Variants in ITM2C observed in about 807,000 individuals in gnomAD.
ITM2C encodes the protein integral membrane protein 2C.
A neutral mutation model predicts 30.0 loss-of-function variants in ITM2C; 20 were observed. The ratio of observed to expected loss-of-function variants is 0.67; its 90% CI spans 0.47 to 0.97. ITM2C has a LOEUF of 0.97. ITM2C is among the 50% of genes least tolerant of loss of function. The pLI is 0.00. For synonymous variants in ITM2C, 167 were observed against 156.4 expected (o/e 1.07, Z -0.51); for missense variants, 366 against 371.9 (o/e 0.98, Z 0.13).
At chr2:230,874,433 C>G (rs1697239853) in intron 2 of ITM2C, among the ~76,000 whole-genome samples, 1 of 152,132 alleles carries the variant, frequency 6.6e-6, no homozygotes, top group Non-Finnish European at 1.5e-5. Context: ...GGGACCTTCC[C>G]ACAGGCCTCT....
intron 2 of ITM2C, among the ~76,000 whole-genome samples, chr2:230,875,280 G>T (rs1037905829): frequency 2.6e-5 from 4 of 152,156 alleles, no homozygotes; most frequent in African/African-American, 9.7e-5. Context: ...GGCCAGAAGG[G>T]ACCTTAGGGA....
chr2:230,874,527 C>T (rs1010341334), intron 2 of ITM2C, among the ~76,000 whole-genome samples: 1 of 152,182 alleles, frequency 6.6e-6, no homozygotes, highest in East Asian at 1.9e-4. Context: ...CTTCTCCCCA[C>T]ACCCCAATTC....
intron 1 of ITM2C, among the ~76,000 whole-genome samples, chr2:230,868,258 TC>T (rs961394203): frequency 1.3e-5 from 2 of 151,202 alleles, no homozygotes; most frequent in Non-Finnish European, 2.9e-5. Flanking sequence ...CTGCCCGGCC[TC>T]CCCCCCTGGT....
At chr2:230,872,301 G>T (rs1327457730) in intron 1 of ITM2C, among the ~76,000 whole-genome samples, 1 of 152,204 alleles carries the variant, frequency 6.6e-6, no homozygotes, top group Non-Finnish European at 1.5e-5. Flanking sequence ...GCAGAGACTG[G>T]CCCCGGGGCT....
chr2:230,870,323 G>A (rs146068890), intron 1 of ITM2C, among the ~76,000 whole-genome samples: 127 of 152,360 alleles, frequency 8.3e-4, no homozygotes, highest in Admixed American at 6.8e-3. Context: ...AAATGCCTTC[G>A]CCTCCAAGCA....
rs1021476866 is a variant in ITM2C, at chr2:230,878,305, G to A, written c.*206G>A. 1.0e-5 allele frequency: 4 copies of A among 385,934 alleles called. No individual in the cohort carries two copies. The highest frequency in any genetic ancestry group is 6.3e-5 in the African/African-American group (3 of 47,570). The allele number at this position is 385,934 out of a possible 1,614,324, so 23.9% of individuals were successfully genotyped here. On this transcript the variant is annotated 3_prime_UTR_variant, in exon 6 of 6. Coordinates refer to ENST00000326427, the MANE Select transcript of ITM2C (RefSeq NM_030926.6). The surrounding 1 kb of genome is among the most constrained non-coding windows in gnomAD (Gnocchi z 4.5). ...GGGGGGCCCATCTCTGCTGACCTGGGTGTGGCGGAGGGAGAGGCGATGCTG... is the reference window on the plus strand; with the variant it reads ...GGGGGGCCCATCTCTGCTGACCTGGATGTGGCGGAGGGAGAGGCGATGCTG...
In ITM2C at chr2:230,865,205, G is replaced by C; in HGVS notation, c.120+60G>C. 7.5e-7 allele frequency: 1 copy of C among 1,328,188 alleles called. No individual in the cohort carries two copies. Among genetic ancestry groups the C allele is most frequent in the Non-Finnish European group, 9.7e-7 (1 of 1,032,518 alleles). 82.3% of individuals were successfully genotyped at this position (1,328,188 alleles called of 1,614,324 possible). A position where few individuals can be genotyped will look rare whatever the true frequency, so the allele number is the denominator to read the frequency against. Reference sequence around the variant, plus strand: ...GGACCCAGGCTCACGACCCAGGCGCGCCCCGTCGGCCCTGGGGACTGCCCG... The same window carrying C: ...GGACCCAGGCTCACGACCCAGGCGCCCCCCGTCGGCCCTGGGGACTGCCCG... On this transcript the variant is annotated intron_variant, in intron 1 of 5. Coordinates refer to ENST00000326427, the MANE Select transcript of ITM2C (RefSeq NM_030926.6). The surrounding 1 kb of genome is among the most constrained non-coding windows in gnomAD (Gnocchi z 6.8).
Position 230,873,451 on chromosome 2 carries a change from G to A in ITM2C, c.155G>A (p.Gly52Glu). 4.4e-6 allele frequency: 7 copies of A among 1,606,938 alleles called. No homozygotes were observed. The highest frequency in any genetic ancestry group is 2.3e-5 in the East Asian group (1 of 44,196). The part of the protein sequence containing the change: ...EQPPQHRSKR[G>E]GSVGGVCYLS... ...CCCCCACAACATCGATCCAAGAGGG[G>A]GGGCTCAGTGGGCGGCGTGTGCTAC... The change falls in exon 2 of 6, where the codon GGG (glycine) becomes GAG (glutamate). Residue 52 changes from glycine to glutamate, a missense_variant. Gly to Glu is a moderately conservative substitution (Grantham distance 98). Coordinates refer to ENST00000326427, the MANE Select transcript of ITM2C (RefSeq NM_030926.6).
At chr2:230,864,909 G>C, upstream of ITM2C, 4 of 1,213,926 alleles carry the variant, frequency 3.3e-6, no homozygotes, top group Non-Finnish European at 4.2e-6. This position sits in a 1 kb window ranked among gnomAD's most constrained non-coding sequence, Gnocchi z 4.3. Context: ...TGGGGTTAGA[G>C]AGAGGGACGC....
intron 1 of ITM2C, among the ~76,000 whole-genome samples, chr2:230,871,568 G>A (rs565598555): frequency 2.0e-5 from 3 of 152,238 alleles, no homozygotes; most frequent in Non-Finnish European, 4.4e-5. Context: ...GATGACAGTG[G>A]GCAGGTGGTC....
chr2:230,872,032 TC>T (rs1363859980), intron 1 of ITM2C, among the ~76,000 whole-genome samples: 2 of 152,174 alleles, frequency 1.3e-5, no homozygotes. Flanking sequence ...GGAAATCTGT[TC>T]CCATCCCAGA....
intron 2 of ITM2C, among the ~76,000 whole-genome samples, chr2:230,874,396 C>T (rs577065927): frequency 2.0e-5 from 3 of 152,246 alleles, no homozygotes; most frequent in Non-Finnish European, 4.4e-5. Context: ...CCATGGCCTG[C>T]GTCCCCCTCG....
rs1689987977 is a variant in ITM2C, at chr2:230,878,323, C to T, written c.*224C>T. The T allele has an allele frequency of 4.6e-5, 16 of 347,514 alleles. 1 individual carries two copies. In the South Asian group the frequency reaches 1.1e-3, roughly 24 times the overall value. 21.5% of individuals were successfully genotyped at this position (347,514 alleles called of 1,614,324 possible). Reference sequence around the variant, plus strand: ...GACCTGGGTGTGGCGGAGGGAGAGGCGATGCTGCAAAGTGTTTTCTGTGTC... The same window carrying T: ...GACCTGGGTGTGGCGGAGGGAGAGGTGATGCTGCAAAGTGTTTTCTGTGTC... On this transcript the variant is annotated 3_prime_UTR_variant, in exon 6 of 6. Transcript: ENST00000326427. This position sits in a 1 kb window ranked among gnomAD's most constrained non-coding sequence, Gnocchi z 4.5.
In ITM2C at chr2:230,878,154, C is replaced by T. The variant is rs1189275151; in HGVS notation, c.*55C>T. On this transcript the variant is annotated 3_prime_UTR_variant, in exon 6 of 6. Coordinates refer to ENST00000326427, the MANE Select transcript of ITM2C (RefSeq NM_030926.6). The surrounding 1 kb of genome is among the most constrained non-coding windows in gnomAD (Gnocchi z 4.5). ...GTTCCTCTTTTCTTCTTTCCGGCTG[C>T]TCTCTGGCCCTCCTCCTTCCCCCTG... is the stretch of plus-strand genomic sequence containing the variant. The T allele has an allele frequency of 1.6e-5, 20 of 1,274,682 alleles. No homozygotes were observed. Among genetic ancestry groups the T allele is most frequent in the Non-Finnish European group, 2.2e-5 (20 of 916,438 alleles). 79.0% of individuals were successfully genotyped at this position (1,274,682 alleles called of 1,614,324 possible).
intron 1 of ITM2C, among the ~76,000 whole-genome samples, chr2:230,869,737 A>C (rs1005578049): frequency 6.6e-6 from 1 of 152,120 alleles, no homozygotes; most frequent in Non-Finnish European, 1.5e-5. Flanking sequence ...AGTTAATGCT[A>C]CAGTTGGCTG....
chr2:230,875,662 G>T lies in ITM2C; in HGVS notation c.304G>T (p.Asp102Tyr), dbSNP rs755900057. Residue 102 changes from aspartate to tyrosine, a missense_variant, in exon 3 of 6, where the codon GAC (aspartate) becomes TAC (tyrosine). By Grantham distance (160) the Asp-to-Tyr change is radical. Coordinates refer to ENST00000326427, the MANE Select transcript of ITM2C (RefSeq NM_030926.6). ...NFFRCGVLYE[D>Y]SLSSQVRTQM... ...CTTCCGCTGTGGTGTGCTGTATGAG[G>T]ACTCCCTGTCCTCCCAGGTCCGGAC... 1.2e-6 allele frequency: 2 copies of T among 1,613,062 alleles called. No individual in the cohort carries two copies. The highest frequency in any genetic ancestry group is 1.7e-6 in the Non-Finnish European group (2 of 1,179,506).
Position 230,878,095 on chromosome 2 carries a change from T to C in ITM2C, c.800T>C (p.Val267Ala). Reference protein sequence around the residue: ...FVVETLICGVV With the variant: ...FVVETLICGVA ...GTGGAGACGCTCATCTGCGGGGTGGTGTGAGGCCCTCCTCCCCCAGAACCC... is the reference window on the plus strand; with the variant it reads ...GTGGAGACGCTCATCTGCGGGGTGGCGTGAGGCCCTCCTCCCCCAGAACCC... The change falls in exon 6 of 6, where the codon GTG becomes GCG. Residue 267 changes from valine to alanine, a missense_variant. By Grantham distance (64) the Val-to-Ala change is moderately conservative (BLOSUM62 0). Transcript: ENST00000326427. This position sits in a 1 kb window ranked among gnomAD's most constrained non-coding sequence, Gnocchi z 4.5. 1 of 1,581,930 alleles carries C rather than the reference T, an allele frequency of 6.3e-7. No individual in the cohort carries two copies. Among genetic ancestry groups the C allele is most frequent in the Non-Finnish European group, 8.6e-7 (1 of 1,161,954 alleles).
Position 230,875,758 on chromosome 2 carries a change from C to A in ITM2C, c.400C>A (p.Pro134Thr). The A allele has an allele frequency of 1.2e-6, 2 of 1,612,748 alleles. No individual in the cohort carries two copies. The highest frequency in any genetic ancestry group is 1.7e-6 in the Non-Finnish European group (2 of 1,179,598). ...ENYERINVPV[P>T]QFGGGDPADI... ...CTACGAGCGCATCAACGTGCCTGTG[C>A]CCCAGTTTGGCGGCGGTGACCCTGC... The change falls in exon 3 of 6, where the codon CCC becomes ACC. Residue 134 changes from proline (P) to threonine (T), a missense_variant. Coordinates refer to ENST00000326427, the MANE Select transcript of ITM2C (RefSeq NM_030926.6).
chr2:230,873,243 C>G (rs1431054375), intron 1 of ITM2C, 174 bp from the exon 2 acceptor site: 1 of 513,686 alleles, frequency 1.9e-6, no homozygotes. Context: ...TTAGCCAGGA[C>G]GAGTCCGGGT....
Sources: allele counts gnomAD v4.1 joint callset (sites outside exome capture counted in the v4.1 genomes callset), GRCh38; gene constraint gnomAD v4.1.1; non-coding constraint Gnocchi (gnomAD v3.1); transcripts MANE v1.5; gene names NCBI Gene and HGNC (gene_info 2026-07-23, HGNC 2026-07-21).